KLHL13: variants seen among roughly 807,000 people sequenced by gnomAD.
The protein encoded by KLHL13 is kelch-like protein 13.
A neutral mutation model predicts 37.1 loss-of-function variants in KLHL13; 10 were observed. The observed-to-expected ratio is 0.27, with a 90% CI of 0.17 to 0.46. KLHL13 has a LOEUF of 0.46. Ranked by LOEUF, KLHL13 falls within the 20% of genes least tolerant of loss-of-function variation. The probability of loss-of-function intolerance (pLI) is 1.00; values close to 1 mark genes in which losing one functional copy is unlikely to be tolerated. For synonymous variants in KLHL13, 163 were observed against 181.2 expected (o/e 0.90, Z 0.81); for missense variants, 360 against 509.3 (o/e 0.71, Z 2.82).
chrX:117,986,109 T>C (rs967451547), intron 1 of KLHL13, among the ~76,000 whole-genome samples: 1 of 111,560 alleles, frequency 9.0e-6, no homozygotes, highest in Non-Finnish European at 1.9e-5. Context: ...AGGAAGCTCA[T>C]AAGCTGAGTG....
chrX:118,106,574 A>T (rs1184658006), intron 1 of KLHL13, among the ~76,000 whole-genome samples: 1 of 111,896 alleles, frequency 8.9e-6, no homozygotes, highest in Admixed American at 9.5e-5. Context: ...CTTTTCAAGC[A>T]CTTGAATATA....
At chrX:117,992,791 A>G (rs139364620) in intron 1 of KLHL13, among the ~76,000 whole-genome samples, 3,993 of 111,676 alleles carry the variant, frequency 0.036, 178 homozygotes, top group African/African-American at 0.12. Context: ...TTCAGCAGTT[A>G]CTATACAATG....
chrX:118,009,858 C>T (rs1192214265), intron 1 of KLHL13, among the ~76,000 whole-genome samples: 1 of 96,654 alleles, frequency 1.0e-5, no homozygotes, highest in Non-Finnish European at 2.1e-5. Context: ...GCCATTTTCA[C>T]GATATTGATT....
At chrX:117,932,585 A>T (rs1369130799) in intron 2 of KLHL13, among the ~76,000 whole-genome samples, 2 of 112,014 alleles carry the variant, frequency 1.8e-5, no homozygotes, top group Non-Finnish European at 3.8e-5. Context: ...ATATAGATGT[A>T]GATATAAAAT....
At chrX:118,090,839 AGC>A (rs2055124511) in intron 1 of KLHL13, among the ~76,000 whole-genome samples, 1 of 109,320 alleles carries the variant, frequency 9.1e-6, no homozygotes, top group Non-Finnish European at 1.9e-5. Flanking sequence ...GTATGTTTAT[AGC>A]GGCACTATTC....
exon 5 of KLHL13, chrX:117,909,915 T>A: frequency 8.3e-7 from 1 of 1,211,673 alleles, no homozygotes. Flanking sequence ...TTCAGTACAG[T>A]GCTTAAGGCT....
At chrX:118,076,829 A>G (rs959547493) in intron 1 of KLHL13, among the ~76,000 whole-genome samples, 5 of 108,442 alleles carry the variant, frequency 4.6e-5, no homozygotes, top group Non-Finnish European at 9.6e-5. Flanking sequence ...GTTCCTTAAA[A>G]TCTTTTTTCT....
At chrX:117,997,890 T>C (rs1012516188) in intron 1 of KLHL13, among the ~76,000 whole-genome samples, 6 of 112,078 alleles carry the variant, frequency 5.4e-5, no homozygotes, top group Non-Finnish European at 7.5e-5. Flanking sequence ...TTTGAAAACA[T>C]AGAAGAGAAA....
intron 1 of KLHL13, among the ~76,000 whole-genome samples, chrX:118,019,185 C>T (rs1158911594): frequency 1.8e-5 from 2 of 111,361 alleles, no homozygotes; most frequent in Non-Finnish European, 3.8e-5. Flanking sequence ...AATTTTCATG[C>T]TTTGACCTTC....
chrX:117,965,188 G>C (rs1234738575), intron 1 of KLHL13, among the ~76,000 whole-genome samples: 4 of 111,602 alleles, frequency 3.6e-5, no homozygotes, highest in African/African-American at 1.3e-4. Flanking sequence ...GGTTGAACTA[G>C]TTTACAGTCC....
At chrX:118,033,688 A>T (rs2054392550) in intron 1 of KLHL13, among the ~76,000 whole-genome samples, 4 of 109,139 alleles carry the variant, frequency 3.7e-5, no homozygotes, top group Admixed American at 2.9e-4. Flanking sequence ...TCAACTAACG[A>T]GCAAAATCAC....
intron 2 of KLHL13, among the ~76,000 whole-genome samples, chrX:117,939,771 C>T (rs1477456767): frequency 8.9e-6 from 1 of 111,896 alleles, no homozygotes; most frequent in Non-Finnish European, 1.9e-5. Context: ...ATCCTTCACA[C>T]ACTTTTTGAT....
chrX:117,946,704 A>T (rs1386130994), intron 1 of KLHL13: 1 of 112,275 alleles, frequency 8.9e-6, no homozygotes, highest in African/African-American at 3.2e-5. Flanking sequence ...TTTTTTCTGT[A>T]ATTTCCTCAA....
At chrX:118,071,418 G>A (rs769584487) in intron 1 of KLHL13, among the ~76,000 whole-genome samples, 1,656 of 109,115 alleles carry the variant, frequency 0.015, 14 homozygotes, top group Middle Eastern at 0.062. Flanking sequence ...TCCAGCATCT[G>A]TTGTTTCCTG....
intron 1 of KLHL13, among the ~76,000 whole-genome samples, chrX:118,090,838 T>C (rs996356097): frequency 4.6e-5 from 5 of 109,687 alleles, no homozygotes; most frequent in Non-Finnish European, 9.5e-5. Flanking sequence ...CGTATGTTTA[T>C]AGCGGCACTA....
chrX:117,938,722 A>G (rs1932892754), intron 2 of KLHL13, among the ~76,000 whole-genome samples: 1 of 110,844 alleles, frequency 9.0e-6, no homozygotes, highest in South Asian at 3.8e-4. Context: ...GGTATTTCTT[A>G]TTTTTCTTTA....
At chrX:117,941,091 A>G (rs1933003425) in intron 2 of KLHL13, among the ~76,000 whole-genome samples, 2 of 111,472 alleles carry the variant, frequency 1.8e-5, no homozygotes, top group African/African-American at 6.5e-5. Context: ...TGTCATAAAT[A>G]ACACTTATTA....
chrX:118,030,797 T>G (rs1266404099), intron 1 of KLHL13, among the ~76,000 whole-genome samples: 2 of 103,287 alleles, frequency 1.9e-5, no homozygotes, highest in African/African-American at 8.3e-5. Flanking sequence ...CCTTGTCAGA[T>G]GCCAGCCTCT....
chrX:117,923,075 T>C (rs1007070354), intron 2 of KLHL13, among the ~76,000 whole-genome samples: 1 of 111,884 alleles, frequency 8.9e-6, no homozygotes, highest in Non-Finnish European at 1.9e-5. Flanking sequence ...TAATCTACAG[T>C]AGGGGCATGT....
Sources: gnomAD v4.1 joint callset for allele counts (sites outside exome capture counted in the v4.1 genomes callset) on GRCh38, gnomAD v4.1.1 for gene constraint, MANE v1.5 for transcripts, NCBI Gene and HGNC (gene_info 2026-07-23, HGNC 2026-07-21) for gene names.